The following OR51B5 variants were observed in gnomAD, a reference collection of about 807,000 sequenced individuals.
The protein encoded by OR51B5 is olfactory receptor family 51 subfamily B member 5, also known as olfactory receptor 51B5.
For missense variants in OR51B5, 456 were observed against 374.6 expected, an observed-to-expected ratio of 1.22 and a Z score of -1.79; for synonymous variants, 186 against 144.8, an observed-to-expected ratio of 1.28 and a Z score of -2.04.
At chr11:5,354,203 C>T (rs1849150793) in intron 1 of OR51B5, among the ~76,000 whole-genome samples, 1 of 152,152 alleles carries the variant, frequency 6.6e-6, no homozygotes, top group South Asian at 2.1e-4. Context: ...AAGATATGGG[C>T]AATGTATACT....
At chr11:5,415,016 T>C (rs1255174962) in intron 1 of OR51B5, among the ~76,000 whole-genome samples, 16 of 152,064 alleles carry the variant, frequency 1.1e-4, no homozygotes, top group Admixed American at 8.5e-4. Flanking sequence ...ATTGACCACA[T>C]AGTTGGCAGT....
chr11:5,455,857 T>A (rs1394706991), intron 1 of OR51B5: 1 of 151,832 alleles, frequency 6.6e-6, no homozygotes, highest in Non-Finnish European at 1.5e-5. Flanking sequence ...ACACCAATAA[T>A]ATATGTGTCC....
intron 1 of OR51B5, among the ~76,000 whole-genome samples, chr11:5,374,432 C>A (rs1270981888): frequency 6.6e-6 from 1 of 152,174 alleles, no homozygotes; most frequent in Non-Finnish European, 1.5e-5. Flanking sequence ...CACCTTTCCT[C>A]CTCCAAAGGA....
chr11:5,489,189 C>G, intron 1 of OR51B5: 1 of 1,612,328 alleles, frequency 6.2e-7, no homozygotes, highest in Non-Finnish European at 8.5e-7. Context: ...TTGTCTCCCC[C>G]TTCATCTTCT....
At chr11:5,450,695 A>G (rs1404386683) in intron 1 of OR51B5, among the ~76,000 whole-genome samples, 2 of 152,216 alleles carry the variant, frequency 1.3e-5, no homozygotes, top group African/African-American at 2.4e-5. Flanking sequence ...ATCTTTGTTC[A>G]GAAATGCATT....
At chr11:5,398,780 C>G (rs1258232256) in intron 1 of OR51B5, among the ~76,000 whole-genome samples, 2 of 152,168 alleles carry the variant, frequency 1.3e-5, no homozygotes, top group Admixed American at 6.5e-5. Flanking sequence ...CTCTCTCTTG[C>G]CTGCCACCAA....
At chr11:5,397,480 G>T (rs1849895679) in intron 1 of OR51B5, among the ~76,000 whole-genome samples, 2 of 151,720 alleles carry the variant, frequency 1.3e-5, no homozygotes, top group South Asian at 4.2e-4. Context: ...TCAGAGAAAT[G>T]CAAATCAAAA....
At chr11:5,416,565 C>G (rs1411365957) in intron 1 of OR51B5, among the ~76,000 whole-genome samples, 1 of 151,476 alleles carries the variant, frequency 6.6e-6, no homozygotes, top group African/African-American at 2.4e-5. Flanking sequence ...AGCTGATAAG[C>G]AACTTCAGCA....
intron 1 of OR51B5, among the ~76,000 whole-genome samples, chr11:5,477,543 A>G (rs907313227): frequency 3.3e-5 from 5 of 152,228 alleles, no homozygotes; most frequent in African/African-American, 1.2e-4. Context: ...TCCGGTCTAC[A>G]GCTCCCAGCA....
intron 1 of OR51B5, among the ~76,000 whole-genome samples, chr11:5,398,941 A>G (rs1849924929): frequency 6.6e-6 from 1 of 152,134 alleles, no homozygotes; most frequent in Non-Finnish European, 1.5e-5. Context: ...ATGAACTAAT[A>G]CAATCCCCAA....
upstream of OR51B5, among the ~76,000 whole-genome samples, chr11:5,345,384 A>G (rs4391851): frequency 0.34 from 51,296 of 151,948 alleles, 9,839 homozygotes; most frequent in Admixed American, 0.45. Flanking sequence ...AGAAAAATAG[A>G]AAAACTTAAA....
At chr11:5,423,305 G>C (rs1361020374) in intron 1 of OR51B5, 1 of 933,672 alleles carries the variant, frequency 1.1e-6, no homozygotes, top group Non-Finnish European at 1.5e-6. Context: ...TTTTGGCTGA[G>C]GTGAGCTAGC....
At chr11:5,422,669 G>A (rs1850365347) in intron 1 of OR51B5, 1 of 1,614,004 alleles carries the variant, frequency 6.2e-7, no homozygotes, top group East Asian at 2.2e-5. Context: ...CTGTGTTCTG[G>A]CGGTTCTTCC....
rs550451483 is a variant in OR51B5 at position 5,410,372 on chromosome 11, T to C, written n.85-63462A>G. Among the ~76,000 whole-genome samples the C allele has an allele frequency of 6.6e-5, 10 of 152,172 alleles. No homozygotes were observed. In the South Asian group the frequency reaches 2.1e-3, roughly 32 times the overall value. On this transcript the variant is annotated intron_variant and non_coding_transcript_variant, in intron 1 of 4. Coordinates refer to the OR51B5 transcript ENST00000415970. ...CTTCTATCTAGCATTACTGGGAAAA[T>C]TGAAAAATGGTAATTTATAGTAGAC...
At position 5,472,588 on chromosome 11, in the gene OR51B5, T is replaced by G. The variant is rs185271803; in HGVS notation, n.84+32981A>C. Among the ~76,000 whole-genome samples the G allele has an allele frequency of 7.2e-5, 11 of 152,308 alleles. No individual in the cohort carries two copies. In the East Asian group the frequency reaches 2.1e-3, roughly 29 times the overall value. ...CAAGAGGTAGCTGGGCAGCAGGGATTCTAAAAAATCTTGAGTGAAGGACTC... is the reference window on the plus strand; with the variant it reads ...CAAGAGGTAGCTGGGCAGCAGGGATGCTAAAAAATCTTGAGTGAAGGACTC... On this transcript the variant is annotated intron_variant and non_coding_transcript_variant, in intron 1 of 4. Transcript: ENST00000415970.
intron 1 of OR51B5, among the ~76,000 whole-genome samples, chr11:5,350,815 G>A (rs1415283002): frequency 6.6e-6 from 1 of 152,100 alleles, no homozygotes; most frequent in African/African-American, 2.4e-5. Context: ...GCAACTTAGA[G>A]TTCTATGTGC....
intron 1 of OR51B5, among the ~76,000 whole-genome samples, chr11:5,354,029 A>C (rs1400133366): frequency 6.6e-6 from 1 of 152,180 alleles, no homozygotes; most frequent in Admixed American, 6.5e-5. Flanking sequence ...TGGTAAATAT[A>C]ACATAGTTCT....
At chr11:5,385,806 A>AT (rs35654107) in intron 1 of OR51B5, among the ~76,000 whole-genome samples, 26,871 of 148,766 alleles carry the variant, frequency 0.18, 2,593 homozygotes, top group African/African-American at 0.26. Context: ...ATATATAAAA[A>AT]ATCTATAAAG....
At chr11:5,421,527 C>T (rs1009107625) in intron 1 of OR51B5, among the ~76,000 whole-genome samples, 12 of 152,228 alleles carry the variant, frequency 7.9e-5, no homozygotes, top group African/African-American at 2.7e-4. Context: ...CTGACTATTT[C>T]CTCTCTTTCT....
Sources: allele counts gnomAD v4.1 joint callset (sites outside exome capture counted in the v4.1 genomes callset), GRCh38; gene constraint gnomAD v4.1.1; transcripts MANE v1.5; gene names NCBI Gene and HGNC (gene_info 2026-07-23, HGNC 2026-07-21).